Variants in EFHC2 observed in about 807,000 individuals in gnomAD.
The protein encoded by EFHC2 is EF-hand domain-containing family member C2.
EFHC2 carries 18 observed loss-of-function variants against 52.7 expected under a neutral mutation model. That is an observed-to-expected ratio of 0.34 (90% CI 0.24 to 0.51). The LOEUF is 0.51. Among genes scored for constraint, EFHC2 ranks in the 20% least tolerant of loss-of-function variants. EFHC2 has a pLI of 0.97. For missense variants in EFHC2, 513 were observed against 562.5 expected (o/e 0.91, Z 0.89); for synonymous variants, 203 against 204.1 (o/e 0.99, Z 0.04).
At chrX:44,338,390 A>G (rs1433538806) in intron 1 of EFHC2, among the ~76,000 whole-genome samples, 12 of 110,423 alleles carry the variant, frequency 1.1e-4, no homozygotes, top group African/African-American at 4.0e-4. Flanking sequence ...AGTCCTAGCT[A>G]CTGTGGCAAC....
At position 44,255,509 on chromosome X, in the gene EFHC2, G is replaced by C. The variant is rs139502589; in HGVS notation, c.607-5064C>G. Among the ~76,000 whole-genome samples the C allele has an allele frequency of 8.2e-4, 91 of 111,283 alleles. No homozygotes were observed. The East Asian group carries it at 0.016, about 20-fold the overall frequency. ...ATAAAACAGACTTTAAACCAACAAA[G>C]ATCAAAAAAGACAAAGAAGGGCATT... On this transcript the variant is annotated intron_variant, in intron 4 of 14. Transcript: ENST00000420999.
chrX:44,311,155 G>C (rs937260498), intron 2 of EFHC2, among the ~76,000 whole-genome samples: 1 of 111,465 alleles, frequency 9.0e-6, no homozygotes, highest in Non-Finnish European at 1.9e-5. Context: ...TTGAGCTTTG[G>C]GTCCAGCACT....
intron 2 of EFHC2, among the ~76,000 whole-genome samples, chrX:44,282,098 T>A (rs1279262684): frequency 9.1e-6 from 1 of 110,131 alleles, no homozygotes; most frequent in African/African-American, 3.3e-5. Context: ...AAGAAACTTG[T>A]ATGTGCAAAG....
intron 11 of EFHC2, among the ~76,000 whole-genome samples, chrX:44,212,392 G>A (rs747655037): frequency 1.8e-4 from 20 of 111,484 alleles, no homozygotes; most frequent in Non-Finnish European, 3.6e-4. Context: ...GGCAGAGAGA[G>A]TAGCAAAGTA....
Position 44,248,420 on chromosome X carries a change from A to T in EFHC2, c.973-10T>A. ...GGTCTACTTTTCCTAGCTAAAAAAG[A>T]CAAAGGAACATAGCATTGGCACCAT... On this transcript the variant is annotated splice_polypyrimidine_tract_variant and intron_variant, in intron 6 of 14. Coordinates refer to ENST00000420999, the MANE Select transcript of EFHC2 (RefSeq NM_025184.4). 1 of 1,190,295 alleles carries T rather than the reference A, an allele frequency of 8.4e-7. No individual in the cohort carries two copies. The highest frequency in any genetic ancestry group is 1.1e-6 in the Non-Finnish European group (1 of 883,963).
chrX:44,242,072 C>A, intron 8 of EFHC2, 49 bp downstream of exon 8: 5 of 1,124,458 alleles, frequency 4.4e-6, no homozygotes, highest in Non-Finnish European at 5.9e-6. Flanking sequence ...TTATAAACCC[C>A]AAACACATTT....
chrX:44,241,172 G>A (rs1181400456), intron 8 of EFHC2, among the ~76,000 whole-genome samples: 2 of 111,285 alleles, frequency 1.8e-5, no homozygotes, highest in East Asian at 2.8e-4. Flanking sequence ...ACACAGGACT[G>A]TAACCCTTAG....
chrX:44,236,735 G>C (rs2037323198), intron 8 of EFHC2, among the ~76,000 whole-genome samples: 1 of 111,371 alleles, frequency 9.0e-6, no homozygotes. Flanking sequence ...TGTTTTCTCT[G>C]TACCCAGTTT....
chrX:44,197,064 T>C (rs1328806910), intron 11 of EFHC2, among the ~76,000 whole-genome samples: 4 of 112,140 alleles, frequency 3.6e-5, no homozygotes, highest in Admixed American at 9.5e-5. Context: ...CTTTGTAGGA[T>C]TGCTGTGAGG....
chrX:44,285,779 C>G, intron 2 of EFHC2: 1 of 157,112 alleles, frequency 6.4e-6, no homozygotes, highest in East Asian at 1.5e-4. Flanking sequence ...CACGCATATC[C>G]CAGAGCAGCA....
At chrX:44,277,031 G>A (rs1004275510) in intron 2 of EFHC2, among the ~76,000 whole-genome samples, 3 of 110,809 alleles carry the variant, frequency 2.7e-5, no homozygotes, top group Admixed American at 9.6e-5. Flanking sequence ...AGGCCGAGGC[G>A]GGCGGATCAC....
intron 2 of EFHC2, among the ~76,000 whole-genome samples, chrX:44,294,674 C>A (rs1284968352): frequency 1.8e-5 from 2 of 111,558 alleles, no homozygotes; most frequent in Non-Finnish European, 3.8e-5. Context: ...ATACAACACT[C>A]AATAAGACAA....
intron 2 of EFHC2, among the ~76,000 whole-genome samples, chrX:44,304,562 G>A (rs2037890467): frequency 9.0e-6 from 1 of 111,603 alleles, no homozygotes; most frequent in Admixed American, 9.5e-5. Context: ...GAAATAACTG[G>A]CGTGAGTGAT....
intron 7 of EFHC2, among the ~76,000 whole-genome samples, chrX:44,243,275 C>A (rs2037374231): frequency 8.9e-6 from 1 of 112,021 alleles, no homozygotes; most frequent in Non-Finnish European, 1.9e-5. Context: ...ACAAAACAAA[C>A]TCCCACAGAA....
rs34619083 is a variant in EFHC2 at position 44,235,384 on chromosome X, G to A, written c.1344C>T (p.Asp448=). The A allele has an allele frequency of 1.9e-3, 2,315 of 1,190,931 alleles. 35 individuals are homozygous for A. In the African/African-American group the frequency reaches 0.036, roughly 19 times the overall value. Residue 448 remains aspartate (D), a synonymous_variant, in exon 9 of 15, where the codon GAC becomes GAT. Transcript: ENST00000420999. ...ATGAAATAACAAACATCCTGTCCAA[G>A]TCAACACATTTGTCTGTGACTAGTT... ...FAKLVTDKCV[D]LDRMFVISYY...
intron 7 of EFHC2, among the ~76,000 whole-genome samples, chrX:44,243,020 C>T (rs750688101): frequency 4.5e-5 from 5 of 111,775 alleles, no homozygotes; most frequent in Non-Finnish European, 7.5e-5. Flanking sequence ...GGGAGTGCTA[C>T]GCGGTAAATA....
chrX:44,175,195 A>G (rs1255255017), intron 13 of EFHC2, among the ~76,000 whole-genome samples: 1 of 112,234 alleles, frequency 8.9e-6, no homozygotes, highest in Non-Finnish European at 1.9e-5. Flanking sequence ...TTTGTGAGTA[A>G]AAGTGCAATA....
intron 13 of EFHC2, among the ~76,000 whole-genome samples, chrX:44,171,688 C>A (rs993957397): frequency 2.7e-5 from 3 of 111,711 alleles, no homozygotes; most frequent in African/African-American, 9.8e-5. Context: ...GTCACAGCTG[C>A]CAGGTAAGGC....
intron 13 of EFHC2, among the ~76,000 whole-genome samples, chrX:44,167,224 T>C (rs1313567979): frequency 1.8e-5 from 2 of 112,255 alleles, no homozygotes; most frequent in African/African-American, 6.5e-5. Context: ...CTGGCAGAAA[T>C]GCAAGGCATT....
Sources: allele counts gnomAD v4.1 joint callset (sites outside exome capture counted in the v4.1 genomes callset), GRCh38; gene constraint gnomAD v4.1.1; transcripts MANE v1.5; gene names NCBI Gene and HGNC (gene_info 2026-07-23, HGNC 2026-07-21).